The following RANBP17 variants were observed in gnomAD, a reference collection of about 807,000 sequenced individuals.
RANBP17 encodes the protein RAN binding protein 17.
Under a neutral mutation model 141.2 loss-of-function variants are expected in RANBP17, and 158 were observed. The ratio of observed to expected loss-of-function variants is 1.12; its 90% confidence interval spans 0.98 to 1.28. The LOEUF is 1.28. RANBP17 is among the 50% of genes most tolerant of loss of function. RANBP17 has a pLI of 0.00. For synonymous variants in RANBP17, 430 were observed against 450.0 expected (o/e 0.96, Z 0.56); for missense variants, 1,438 against 1,290.7 (o/e 1.11, Z -1.75).
intron 25 of RANBP17, among the ~76,000 whole-genome samples, chr5:171,286,592 A>G (rs1768184808): frequency 6.6e-6 from 1 of 152,172 alleles, no homozygotes; most frequent in African/African-American, 2.4e-5. Context: ...TTTATCCATT[A>G]TGTTCATTTT....
At chr5:170,862,660 C>T (rs1766904053) in intron 1 of RANBP17, among the ~76,000 whole-genome samples, 1 of 152,052 alleles carries the variant, frequency 6.6e-6, no homozygotes. Flanking sequence ...GAAACCCGGG[C>T]CGGGCGCGGG....
intron 14 of RANBP17, among the ~76,000 whole-genome samples, chr5:171,132,389 T>TG (rs1231647055): frequency 6.6e-6 from 1 of 151,658 alleles, no homozygotes; most frequent in Admixed American, 6.6e-5. Flanking sequence ...TTTTTTTTTT[T>TG]TAATTGTCTG....
In RANBP17 at chr5:171,064,772, C is replaced by T. The variant is rs1156687259; in HGVS notation, c.1710+96395C>T. 2.6e-5 allele frequency among the ~76,000 whole-genome samples: 4 copies of T among 151,986 alleles called. No homozygotes were observed. In the East Asian group the frequency reaches 7.7e-4, roughly 29 times the overall value. ...TTGAGCTCACATGATCTGCCTGCTT[C>T]TGCCTCCCAAAGTACTGGGATTACA... On this transcript the variant is annotated intron_variant, in intron 14 of 27. Coordinates refer to ENST00000523189, the MANE Select transcript of RANBP17 (RefSeq NM_022897.5).
intron 22 of RANBP17, among the ~76,000 whole-genome samples, chr5:171,224,019 G>A (rs1561779104): frequency 6.6e-6 from 1 of 152,142 alleles, no homozygotes; most frequent in Non-Finnish European, 1.5e-5. Flanking sequence ...GAGCTATTCT[G>A]GTAAAAGGCC....
chr5:170,897,070 G>A (rs1770192614), intron 5 of RANBP17: 2 of 842,050 alleles, frequency 2.4e-6, no homozygotes. Flanking sequence ...CCTTAGAAAT[G>A]TGGATACCAG....
At chr5:171,200,308 T>C (rs1003926789) in intron 19 of RANBP17, among the ~76,000 whole-genome samples, 1 of 152,250 alleles carries the variant, frequency 6.6e-6, no homozygotes. Context: ...ATAAGGTTTT[T>C]ATGTGCCTGT....
intron 14 of RANBP17, among the ~76,000 whole-genome samples, chr5:170,996,573 C>A (rs1043372945): frequency 6.6e-6 from 1 of 152,154 alleles, no homozygotes; most frequent in Non-Finnish European, 1.5e-5. Context: ...GATAAAAAGT[C>A]ATGAAGACAG....
At chr5:171,099,386 G>A (rs1786955432) in intron 14 of RANBP17, among the ~76,000 whole-genome samples, 1 of 152,048 alleles carries the variant, frequency 6.6e-6, no homozygotes, top group Non-Finnish European at 1.5e-5. Context: ...ATTGTGAATG[G>A]GAGTTTGCTC....
At chr5:171,057,215 A>C (rs1159396420) in intron 14 of RANBP17, among the ~76,000 whole-genome samples, 1 of 152,174 alleles carries the variant, frequency 6.6e-6, no homozygotes, top group Non-Finnish European at 1.5e-5. Context: ...AACTTTAGCC[A>C]ATATGTTCAC....
chr5:171,026,372 C>T (rs1295190376), intron 14 of RANBP17, among the ~76,000 whole-genome samples: 1 of 152,150 alleles, frequency 6.6e-6, no homozygotes, highest in Non-Finnish European at 1.5e-5. Context: ...GTGATTCAAA[C>T]CTAATTGATC....
chr5:171,044,496 TTTTAA>T (rs2127640254), intron 14 of RANBP17, among the ~76,000 whole-genome samples: 1 of 152,180 alleles, frequency 6.6e-6, no homozygotes, highest in South Asian at 2.1e-4. Flanking sequence ...TTGTAGAGAA[TTTTAA>T]TTTATTTGAT....
intron 4 of RANBP17, 25 bp downstream of exon 4, chr5:170,892,578 A>G (rs1175301285): frequency 1.3e-6 from 2 of 1,595,270 alleles, no homozygotes; most frequent in Non-Finnish European, 1.7e-6. Flanking sequence ...CTACATGGTT[A>G]GAACATCACT....
In RANBP17 at chr5:171,221,848, T is replaced by C; in HGVS notation, c.2422+8T>C. The C allele has an allele frequency of 6.8e-7, 1 of 1,478,468 alleles. No homozygotes were observed. The highest frequency in any genetic ancestry group is 9.4e-7 in the Non-Finnish European group (1 of 1,059,076). The allele number at this position is 1,478,468 out of a possible 1,614,324, so 91.6% of individuals were successfully genotyped here. ...AAATGGTTTGCACTTATGGTGAGTG[T>C]CCTTTTCCATATGTGCCTCTGCAAT... On this transcript the variant is annotated splice_region_variant and intron_variant, in intron 22 of 27. Transcript: ENST00000523189.
chr5:170,935,155 A>C (rs1375952558), intron 12 of RANBP17, among the ~76,000 whole-genome samples: 1 of 152,174 alleles, frequency 6.6e-6, no homozygotes, highest in Non-Finnish European at 1.5e-5. Flanking sequence ...CAGCTCCATC[A>C]GGTCATTTAA....
intron 14 of RANBP17, among the ~76,000 whole-genome samples, chr5:171,111,255 T>C (rs1755209274): frequency 6.6e-6 from 1 of 152,214 alleles, no homozygotes; most frequent in Non-Finnish European, 1.5e-5. Context: ...TCTTTCTTAC[T>C]CAGTCATTTC....
intron 14 of RANBP17, among the ~76,000 whole-genome samples, chr5:171,076,275 T>C (rs986951402): frequency 6.6e-6 from 1 of 152,190 alleles, no homozygotes; most frequent in African/African-American, 2.4e-5. Flanking sequence ...AGTAATTTTG[T>C]TGGTATAGCA....
intron 14 of RANBP17, among the ~76,000 whole-genome samples, chr5:170,983,662 A>C (rs957400386): frequency 2.0e-5 from 3 of 152,204 alleles, no homozygotes; most frequent in Non-Finnish European, 4.4e-5. Context: ...ATGTCAGAGG[A>C]TGGCAGTTTT....
At chr5:170,956,495 A>G (rs1561929048) in intron 13 of RANBP17, among the ~76,000 whole-genome samples, 1 of 152,024 alleles carries the variant, frequency 6.6e-6, no homozygotes, top group Non-Finnish European at 1.5e-5. Flanking sequence ...ACTTGAAAAT[A>G]TGAATAACAG....
At chr5:171,038,779 G>A (rs1436523223) in intron 14 of RANBP17, among the ~76,000 whole-genome samples, 2 of 152,066 alleles carry the variant, frequency 1.3e-5, no homozygotes, top group Non-Finnish European at 2.9e-5. Context: ...ATTTGCATAT[G>A]TTGAACCAAC....
Sources: allele counts gnomAD v4.1 joint callset (sites outside exome capture counted in the v4.1 genomes callset), GRCh38; gene constraint gnomAD v4.1.1; transcripts MANE v1.5; gene names NCBI Gene and HGNC (gene_info 2026-07-23, HGNC 2026-07-21).